EYS: variants seen among roughly 807,000 people sequenced by gnomAD.
The protein encoded by EYS is EGF-like photoreceptor maintenance factor, also known as protein eyes shut homolog.
In EYS, 250 loss-of-function variants were observed where a neutral mutation model predicts 282.1. That is an observed-to-expected ratio of 0.89 (90% CI 0.80 to 0.98). The LOEUF (loss-of-function observed/expected upper bound fraction) is 0.98. Ranked by LOEUF, EYS falls within the 50% of genes least tolerant of loss-of-function variation. EYS has a pLI of 0.00. For missense variants in EYS, 4,016 were observed against 3,709.0 expected (o/e 1.08, Z -2.15); for synonymous variants, 1,355 against 1,282.9 (o/e 1.06, Z -1.20).
chr6:65,628,586 CT>C (rs1766802547), intron 2 of EYS, among the ~76,000 whole-genome samples: 1 of 152,194 alleles, frequency 6.6e-6, no homozygotes, highest in African/African-American at 2.4e-5. Context: ...AGATCTGCAG[CT>C]TCACTCCTGA....
At chr6:63,781,406 G>A (rs1770222484) in intron 39 of EYS, among the ~76,000 whole-genome samples, 1 of 152,072 alleles carries the variant, frequency 6.6e-6, no homozygotes, top group Non-Finnish European at 1.5e-5. Context: ...CCATTTGTTT[G>A]TGTCCTCTTT....
intron 35 of EYS, among the ~76,000 whole-genome samples, chr6:63,940,944 T>C (rs536839175): frequency 6.6e-6 from 1 of 151,502 alleles, no homozygotes; most frequent in South Asian, 2.1e-4. Context: ...TTTGGTTTTC[T>C]GTCCTTGCGA....
chr6:65,293,288 C>G (rs1768576650), intron 12 of EYS, among the ~76,000 whole-genome samples: 1 of 151,008 alleles, frequency 6.6e-6, no homozygotes, highest in Admixed American at 6.6e-5. Context: ...ATTTTGAGTT[C>G]ATTACTAAAA....
At chr6:65,675,509 G>A (rs958364609) in intron 1 of EYS, among the ~76,000 whole-genome samples, 4 of 151,806 alleles carry the variant, frequency 2.6e-5, no homozygotes, top group African/African-American at 9.7e-5. Flanking sequence ...GTCAAAATCT[G>A]TCATAAAACA....
chr6:65,483,673 C>A (rs1409013729), intron 5 of EYS, among the ~76,000 whole-genome samples: 1 of 152,086 alleles, frequency 6.6e-6, no homozygotes, highest in African/African-American at 2.4e-5. Context: ...AAATATGTAT[C>A]AAATAAAGAG....
intron 12 of EYS, among the ~76,000 whole-genome samples, chr6:65,295,389 T>G (rs923986739): frequency 6.6e-6 from 1 of 152,010 alleles, no homozygotes; most frequent in African/African-American, 2.4e-5. Context: ...TATAGTATGT[T>G]TGTGACTTCA....
Position 63,721,593 on chromosome 6 carries a change from C to T in EYS, c.8438G>A (p.Ser2813Asn). The change falls in exon 43 of 43, where the codon AGT (serine) becomes AAT (asparagine). Residue 2813 changes from serine (S) to asparagine (N), a missense_variant. By Grantham distance (46) the Ser-to-Asn change is conservative. Coordinates refer to ENST00000503581, the MANE Select transcript of EYS (RefSeq NM_001142800.2). ...NVTEKASTKM[S>N]SLDTNTDFYI... ...GAAGTCTGTATTTGTGTCCAGAGAA[C>T]TCATTTTAGTGGAGGCCTTTTCTGT... 6.4e-7 allele frequency: 1 copy of T among 1,551,596 alleles called. No homozygotes were observed. The highest frequency in any genetic ancestry group is 2.0e-5 in the Admixed American group (1 of 50,974).
At chr6:64,306,257 T>G (rs995004645) in intron 30 of EYS, among the ~76,000 whole-genome samples, 5 of 152,118 alleles carry the variant, frequency 3.3e-5, no homozygotes, top group Non-Finnish European at 7.4e-5. Flanking sequence ...AGGAGCAACC[T>G]CACATTGATT....
intron 14 of EYS, among the ~76,000 whole-genome samples, chr6:64,980,079 TAAAAG>T (rs545165526): frequency 1.3e-3 from 197 of 151,564 alleles, no homozygotes; most frequent in African/African-American, 4.6e-3. Flanking sequence ...TAAATTTTTT[TAAAAG>T]AAAAGGAAAG....
At chr6:65,121,210 C>T (rs950411685) in intron 12 of EYS, among the ~76,000 whole-genome samples, 3 of 152,042 alleles carry the variant, frequency 2.0e-5, no homozygotes, top group African/African-American at 7.2e-5. Context: ...TGTCAGTGGC[C>T]AAGACACTTG....
chr6:64,066,229 G>T (rs1771363249), intron 33 of EYS, 109 bp downstream of exon 33: 16 of 950,458 alleles, frequency 1.7e-5, no homozygotes, highest in South Asian at 3.3e-5. Flanking sequence ...AGTGAGCTGA[G>T]ATCACACCAC....
intron 36 of EYS, among the ~76,000 whole-genome samples, chr6:63,833,368 G>C (rs768827753): frequency 7.2e-5 from 11 of 152,276 alleles, no homozygotes; most frequent in Middle Eastern, 3.4e-3. Context: ...CTTCGGCAAA[G>C]TTTCAGGATA....
At chr6:64,722,066 A>G (rs1297427145) in intron 22 of EYS, among the ~76,000 whole-genome samples, 2 of 152,166 alleles carry the variant, frequency 1.3e-5, no homozygotes, top group Admixed American at 6.5e-5. Flanking sequence ...GTTTCAACAT[A>G]ATAAACTGTA....
At chr6:65,616,730 G>A (rs1362400611) in intron 2 of EYS, among the ~76,000 whole-genome samples, 1 of 151,166 alleles carries the variant, frequency 6.6e-6, no homozygotes, top group East Asian at 1.9e-4. Context: ...AGGTTGCAGT[G>A]AGCCGAGATA....
intron 31 of EYS, among the ~76,000 whole-genome samples, chr6:64,167,513 C>T (rs1244698861): frequency 1.3e-5 from 2 of 152,102 alleles, no homozygotes; most frequent in African/African-American, 4.8e-5. Flanking sequence ...TCTGTGTCTC[C>T]TGAAGTCCCA....
chr6:63,922,179 A>C (rs1764590420), intron 35 of EYS, among the ~76,000 whole-genome samples: 1 of 152,224 alleles, frequency 6.6e-6, no homozygotes. Flanking sequence ...CATTGTTTAA[A>C]TCACTCCATC....
chr6:64,876,907 T>C (rs1406041417), intron 19 of EYS, among the ~76,000 whole-genome samples: 1 of 152,078 alleles, frequency 6.6e-6, no homozygotes, highest in Non-Finnish European at 1.5e-5. Context: ...TTCAAGTATT[T>C]TGGGAAGCTA....
chr6:64,032,056 C>G (rs1646832970), intron 33 of EYS, among the ~76,000 whole-genome samples: 1 of 152,196 alleles, frequency 6.6e-6, no homozygotes, highest in South Asian at 2.1e-4. Context: ...GCAGCTTCAC[C>G]CCTGAAGCCA....
At chr6:64,367,188 G>GGCA (rs1356750189) in intron 29 of EYS, among the ~76,000 whole-genome samples, 4 of 151,858 alleles carry the variant, frequency 2.6e-5, no homozygotes, top group Admixed American at 6.6e-5. Flanking sequence ...TGAGGAAATG[G>GGCA]GCATATGAAT....
Sources: gnomAD v4.1 joint callset for allele counts (sites outside exome capture counted in the v4.1 genomes callset) on GRCh38, gnomAD v4.1.1 for gene constraint, MANE v1.5 for transcripts, NCBI Gene and HGNC (gene_info 2026-07-23, HGNC 2026-07-21) for gene names.